Variants in APBA1 observed in about 807,000 individuals in gnomAD.
APBA1 encodes amyloid-beta A4 precursor protein-binding family A member 1.
Under a neutral mutation model 86.6 loss-of-function variants are expected in APBA1, and 55 were observed. The ratio of observed to expected loss-of-function variants is 0.64; its 90% CI spans 0.51 to 0.80. The LOEUF (loss-of-function observed/expected upper bound fraction) is 0.80, where lower values mean the gene tolerates loss of function less well. Ranked by LOEUF, APBA1 falls within the 30% of genes least tolerant of loss-of-function variation. The probability of loss-of-function intolerance (pLI) is 0.00; values close to 1 mark genes in which losing one functional copy is unlikely to be tolerated. For missense variants in APBA1, 1,090 were observed against 1,183.0 expected, an observed-to-expected ratio of 0.92 and a Z score of 1.15; for synonymous variants, 511 against 493.9, an observed-to-expected ratio of 1.03 and a Z score of -0.46.
chr9:69,458,371 A>G (rs555356249), intron 5 of APBA1, among the ~76,000 whole-genome samples, 183 bp from the exon 6 acceptor site: 1 of 152,368 alleles, frequency 6.6e-6, no homozygotes, highest in East Asian at 1.9e-4. Flanking sequence ...AGAATTTAGT[A>G]TGTGGGAAGT....
rs1029408580 is a variant in APBA1 at position 69,661,011 on chromosome 9, T to G, written c.-70+11142A>C. 3.9e-5 allele frequency among the ~76,000 whole-genome samples: 6 copies of G among 152,200 alleles called. 1 individual carries two copies. The highest frequency in any genetic ancestry group is 2.0e-4 in the Admixed American group (3 of 15,288). ...GTGTACTGCCTTGGAGCTGAGAATGTTTTTTATGTTTTTAGATGGTTGCAA... is the reference window on the plus strand; with the variant it reads ...GTGTACTGCCTTGGAGCTGAGAATGGTTTTTATGTTTTTAGATGGTTGCAA... On this transcript the variant is annotated intron_variant, in intron 1 of 12. Transcript: ENST00000265381.
chr9:69,590,275 A>C (rs1458920693), intron 1 of APBA1, among the ~76,000 whole-genome samples: 1 of 152,252 alleles, frequency 6.6e-6, no homozygotes, highest in African/African-American at 2.4e-5. Flanking sequence ...TGGCAGATCC[A>C]GCGAGGTTCA....
At chr9:69,523,525 A>G (rs1171876248) in intron 1 of APBA1, among the ~76,000 whole-genome samples, 5 of 66,078 alleles carry the variant, frequency 7.6e-5, no homozygotes, top group East Asian at 5.4e-4. Flanking sequence ...ATATATATAT[A>G]TATATATAGA....
At chr9:69,586,778 T>C (rs4744918) in intron 1 of APBA1, among the ~76,000 whole-genome samples, 78,000 of 151,948 alleles carry the variant, frequency 0.51, 22,309 homozygotes, top group East Asian at 0.82. Context: ...TCTGTAGAGG[T>C]GGGAAATATA....
rs992756542 is a variant in APBA1, at chr9:69,481,425, A to G, written c.1201-5282T>C. 8.5e-4 allele frequency among the ~76,000 whole-genome samples: 130 copies of G among 152,164 alleles called. 1 individual carries two copies. The highest frequency in any genetic ancestry group is 3.0e-3 in the African/African-American group (125 of 41,538). On this transcript the variant is annotated intron_variant, in intron 2 of 12. Coordinates refer to ENST00000265381, the MANE Select transcript of APBA1 (RefSeq NM_001163.4). ...ATCCAACTTACAAGGGATATGAAGG[A>G]CCTCTTCAAGGAGAACTACAAACCA... is the stretch of plus-strand genomic sequence containing the variant.
intron 1 of APBA1, among the ~76,000 whole-genome samples, chr9:69,635,860 C>G (rs1330822496): frequency 2.0e-5 from 3 of 152,120 alleles, no homozygotes; most frequent in Admixed American, 2.0e-4. Context: ...GCAAAAACTT[C>G]TTGAGTAATA....
intron 1 of APBA1, among the ~76,000 whole-genome samples, chr9:69,644,252 G>T (rs915951505): frequency 1.3e-5 from 2 of 152,148 alleles, no homozygotes; most frequent in Non-Finnish European, 2.9e-5. Flanking sequence ...GTACAGAATA[G>T]ATGTTCCATA....
At chr9:69,538,952 C>G (rs1304750885) in intron 1 of APBA1, among the ~76,000 whole-genome samples, 1 of 152,184 alleles carries the variant, frequency 6.6e-6, no homozygotes, top group African/African-American at 2.4e-5. Context: ...AGTCATTTTA[C>G]TTAACTACTG....
chr9:69,541,460 T>A (rs745527511), intron 1 of APBA1, among the ~76,000 whole-genome samples: 1 of 152,188 alleles, frequency 6.6e-6, no homozygotes, highest in South Asian at 2.1e-4. Context: ...TGATTAGTGA[T>A]GTTAAGCATC....
chr9:69,582,198 C>T (rs1402558380), intron 1 of APBA1, among the ~76,000 whole-genome samples: 1 of 152,158 alleles, frequency 6.6e-6, no homozygotes, highest in Admixed American at 6.5e-5. Flanking sequence ...TCTAACCGAG[C>T]ACTTAACACA....
At chr9:69,657,861 A>G (rs1371842308) in intron 1 of APBA1, among the ~76,000 whole-genome samples, 2 of 152,236 alleles carry the variant, frequency 1.3e-5, no homozygotes, top group African/African-American at 4.8e-5. Context: ...TTTTCCTCTT[A>G]AAGAGTATAA....
chr9:69,571,613 G>A (rs1250300057), intron 1 of APBA1, among the ~76,000 whole-genome samples: 1 of 152,034 alleles, frequency 6.6e-6, no homozygotes, highest in Non-Finnish European at 1.5e-5. Flanking sequence ...TTACTTTTCT[G>A]AATTTTTTGA....
chr9:69,658,572 T>TG (rs1823690724), intron 1 of APBA1, among the ~76,000 whole-genome samples: 1 of 147,630 alleles, frequency 6.8e-6, no homozygotes, highest in Admixed American at 6.7e-5. Flanking sequence ...CCAGCTAATT[T>TG]TTTTTTTTTT....
intron 1 of APBA1, among the ~76,000 whole-genome samples, chr9:69,610,048 T>C (rs1822554332): frequency 6.6e-6 from 1 of 152,214 alleles, no homozygotes; most frequent in Admixed American, 6.5e-5. Context: ...CCAGGTGCAG[T>C]GGCTGATGCA....
chr9:69,494,968 G>A (rs1342294293), intron 2 of APBA1, among the ~76,000 whole-genome samples: 1 of 152,130 alleles, frequency 6.6e-6, no homozygotes, highest in Non-Finnish European at 1.5e-5. Flanking sequence ...CATCACAGAA[G>A]CACAAAACAC....
At chr9:69,495,432 G>A (rs112570524) in intron 2 of APBA1, among the ~76,000 whole-genome samples, 31 of 152,214 alleles carry the variant, frequency 2.0e-4, no homozygotes, top group African/African-American at 6.5e-4. Context: ...GCCTCCACTT[G>A]AGAGCCGAGG....
At chr9:69,493,111 T>C (rs1286882658) in intron 2 of APBA1, among the ~76,000 whole-genome samples, 1 of 152,074 alleles carries the variant, frequency 6.6e-6, no homozygotes, top group Non-Finnish European at 1.5e-5. Context: ...ATTAAGCACC[T>C]ATTTACCCTC....
chr9:69,466,373 G>GT (rs1835280626), intron 5 of APBA1, among the ~76,000 whole-genome samples: 1 of 152,196 alleles, frequency 6.6e-6, no homozygotes, highest in African/African-American at 2.4e-5. Flanking sequence ...CGTGACTAAC[G>GT]TAAGAATCAG....
chr9:69,667,894 G>A (rs1468132788), intron 1 of APBA1, among the ~76,000 whole-genome samples: 2 of 151,992 alleles, frequency 1.3e-5, no homozygotes, highest in African/African-American at 2.4e-5. Context: ...GGAAATCCAA[G>A]AGTCAAATCC....
Sources: gnomAD v4.1 joint callset for allele counts (sites outside exome capture counted in the v4.1 genomes callset) on GRCh38, gnomAD v4.1.1 for gene constraint, MANE v1.5 for transcripts, NCBI Gene and HGNC (gene_info 2026-07-23, HGNC 2026-07-21) for gene names.